The following EHMT1 variants were observed in gnomAD, a reference collection of about 807,000 sequenced individuals.
EHMT1 encodes euchromatic histone lysine methyltransferase 1.
EHMT1 carries 15 observed loss-of-function variants against 147.2 expected under a neutral mutation model. That is an observed-to-expected ratio of 0.10 (90% CI 0.07 to 0.16). The LOEUF (loss-of-function observed/expected upper bound fraction) is 0.16, where lower values mean the gene tolerates loss of function less well. Ranked by LOEUF, EHMT1 falls within the 10% of genes least tolerant of loss-of-function variation. The probability of loss-of-function intolerance (pLI) is 1.00; values close to 1 mark genes in which losing one functional copy is unlikely to be tolerated. For missense variants in EHMT1, 1,587 were observed against 1,772.4 expected, an observed-to-expected ratio of 0.90 and a Z score of 1.88; for synonymous variants, 795 against 709.6, an observed-to-expected ratio of 1.12 and a Z score of -1.91.
intron 10 of EHMT1, 128 bp downstream of exon 10, chr9:137,762,948 T>A: frequency 8.2e-7 from 1 of 1,220,296 alleles, no homozygotes; most frequent in Non-Finnish European, 1.2e-6. Context: ...GAGTGGATTC[T>A]GCGCAGAACC....
chr9:137,627,742 C>T (rs997377812), intron 1 of EHMT1, among the ~76,000 whole-genome samples: 8 of 151,812 alleles, frequency 5.3e-5, no homozygotes, highest in Non-Finnish European at 1.2e-4. Flanking sequence ...GTCTTGTCGC[C>T]CAGGCTGGAG....
At chr9:137,649,008 C>A (rs151212458) in intron 1 of EHMT1, among the ~76,000 whole-genome samples, 1 of 152,222 alleles carries the variant, frequency 6.6e-6, no homozygotes, top group African/African-American at 2.4e-5. Context: ...GAGACTGATC[C>A]TGGTTGTCGT....
intron 25 of EHMT1, among the ~76,000 whole-genome samples, chr9:137,833,101 C>G (rs1956335057): frequency 1.3e-5 from 2 of 152,358 alleles, no homozygotes; most frequent in South Asian, 4.1e-4. Context: ...GAGAGCTGCT[C>G]TCGTCCACGC....
In EHMT1 at chr9:137,745,326, T is replaced by C. The variant is rs150509044; in HGVS notation, c.1170+1236T>C. The C allele has an allele frequency of 7.8e-4, 299 of 382,264 alleles. 1 individual carries two copies. Among genetic ancestry groups the C allele is most frequent in the African/African-American group, 5.0e-3 (244 of 48,388 alleles). The allele number at this position is 382,264 out of a possible 1,614,324, so 23.7% of individuals were successfully genotyped here. Reference sequence around the variant, plus strand: ...AAGTCTGTTGTACATTTTTAGCATGTTTTAGGGCAAATTTTTGAATGTTGC... The same window carrying C: ...AAGTCTGTTGTACATTTTTAGCATGCTTTAGGGCAAATTTTTGAATGTTGC... On this transcript the variant is annotated intron_variant, in intron 6 of 26. Coordinates refer to ENST00000460843, the MANE Select transcript of EHMT1 (RefSeq NM_024757.5).
chr9:137,712,691 T>C (rs1944852823), intron 2 of EHMT1, among the ~76,000 whole-genome samples: 1 of 152,190 alleles, frequency 6.6e-6, no homozygotes, highest in African/African-American at 2.4e-5. Flanking sequence ...GCCATGGGAT[T>C]TGCAAATATT....
At chr9:137,788,454 T>C (rs1204148801) in intron 15 of EHMT1, 6 of 184,274 alleles carry the variant, frequency 3.3e-5, no homozygotes, top group Non-Finnish European at 5.6e-5. Context: ...GTTGCAGGCG[T>C]ACGGAGGTTG....
At chr9:137,714,249 T>C (rs529011578) in intron 2 of EHMT1, among the ~76,000 whole-genome samples, 1 of 152,312 alleles carries the variant, frequency 6.6e-6, no homozygotes, top group South Asian at 2.1e-4. Context: ...GGTTTCACCT[T>C]TAAGTGTGAT....
At chr9:137,632,529 G>T (rs898903706) in intron 1 of EHMT1, among the ~76,000 whole-genome samples, 3 of 152,078 alleles carry the variant, frequency 2.0e-5, no homozygotes, top group Non-Finnish European at 4.4e-5. Context: ...TCAGCCTCCC[G>T]AGTAGCTGGG....
At chr9:137,797,483 TG>T (rs1953059801) in intron 16 of EHMT1, among the ~76,000 whole-genome samples, 1 of 152,158 alleles carries the variant, frequency 6.6e-6, no homozygotes, top group Admixed American at 6.5e-5. Flanking sequence ...CTCTGCCAGG[TG>T]CACCTGCTTC....
chr9:137,759,590 G>C (rs1949648045), intron 9 of EHMT1, among the ~76,000 whole-genome samples: 1 of 152,260 alleles, frequency 6.6e-6, no homozygotes. Flanking sequence ...AAATGGCAGG[G>C]AGTAGAGGCT....
chr9:137,766,747 C>G (rs1031258979), intron 10 of EHMT1, among the ~76,000 whole-genome samples: 2 of 152,206 alleles, frequency 1.3e-5, no homozygotes, highest in African/African-American at 4.8e-5. Flanking sequence ...TGCTTTTAGT[C>G]TGTCTCTGTC....
intron 22 of EHMT1, 191 bp downstream of exon 22, chr9:137,814,699 A>T: frequency 1.5e-6 from 1 of 675,504 alleles, no homozygotes; most frequent in South Asian, 1.7e-5. Context: ...TGAGCCGAGG[A>T]CATGGCTGCG....
chr9:137,671,613 C>T (rs753632252), intron 1 of EHMT1, among the ~76,000 whole-genome samples: 66 of 150,972 alleles, frequency 4.4e-4, no homozygotes, highest in Non-Finnish European at 7.1e-4. Context: ...CAACCTCTGC[C>T]TCTCGGGCTC....
intron 25 of EHMT1, chr9:137,823,646 C>G (rs56338506): frequency 5.8e-6 from 1 of 173,786 alleles, no homozygotes; most frequent in African/African-American, 2.4e-5. Flanking sequence ...CTCCTGACCT[C>G]GTGATCCGCC....
At chr9:137,805,956 C>T (rs528042760) in intron 18 of EHMT1, among the ~76,000 whole-genome samples, 33 of 151,528 alleles carry the variant, frequency 2.2e-4, no homozygotes, top group Admixed American at 9.2e-4. Context: ...CGACTGTGCC[C>T]GGCCTGGTTT....
chr9:137,694,683 T>A (rs1246269064), intron 1 of EHMT1, among the ~76,000 whole-genome samples: 1 of 152,170 alleles, frequency 6.6e-6, no homozygotes, highest in Non-Finnish European at 1.5e-5. Context: ...CATGTGCCAG[T>A]CAGCAGCCCA....
rs1588654429 is a variant in EHMT1 at position 137,777,806 on chromosome 9, G to C, written c.2019-76G>C. The stretch of plus-strand genomic sequence containing the variant: ...CCGCAGCTCTCACTTAGAAAACAGC[G>C]CTCTCGGGCAGTCAGAGTCGGAACA... On this transcript the variant is annotated intron_variant, in intron 12 of 26. Coordinates refer to ENST00000460843, the MANE Select transcript of EHMT1 (RefSeq NM_024757.5). 2.5e-6 allele frequency: 4 copies of C among 1,587,324 alleles called. No homozygotes were observed. In the East Asian group the frequency reaches 8.9e-5, roughly 35 times the overall value.
At chr9:137,801,102 C>T (rs958772320) in intron 18 of EHMT1, 118 bp downstream of exon 18, 11 of 858,370 alleles carry the variant, frequency 1.3e-5, no homozygotes, top group Non-Finnish European at 1.7e-5. Context: ...TTGACCTCTT[C>T]CTGTGGCAGC....
At chr9:137,834,222 G>T in intron 25 of EHMT1, 127 bp from the exon 26 acceptor site, 1 of 1,249,902 alleles carries the variant, frequency 8.0e-7, no homozygotes, top group Non-Finnish European at 1.1e-6. Context: ...ACTGGAGAAG[G>T]CCCCTCCTGC....
Sources: allele counts gnomAD v4.1 joint callset (sites outside exome capture counted in the v4.1 genomes callset), GRCh38; gene constraint gnomAD v4.1.1; transcripts MANE v1.5; gene names NCBI Gene and HGNC (gene_info 2026-07-23, HGNC 2026-07-21).